Variants in BCOR observed in about 807,000 individuals in gnomAD.
BCOR encodes BCL6 corepressor.
In BCOR, 10 loss-of-function variants were observed where a neutral mutation model predicts 86.7. The ratio of observed to expected loss-of-function variants is 0.12; its 90% CI spans 0.07 to 0.20. BCOR has a LOEUF of 0.20. Among genes scored for constraint, BCOR ranks in the 10% least tolerant of loss-of-function variants. The probability of loss-of-function intolerance (pLI) is 1.00; values close to 1 mark genes in which losing one functional copy is unlikely to be tolerated. For synonymous variants in BCOR, 611 were observed against 609.0 expected, an observed-to-expected ratio of 1.00 and a Z score of -0.05; for missense variants, 1,259 against 1,452.1, an observed-to-expected ratio of 0.87 and a Z score of 2.16.
intron 1 of BCOR, among the ~76,000 whole-genome samples, chrX:40,140,157 A>G (rs57236252): frequency 9.1e-6 from 1 of 109,619 alleles, no homozygotes; most frequent in Admixed American, 9.9e-5. Context: ...CTTTGGCTTA[A>G]AAAATATATA....
chrX:40,140,294 CAAAAAAA>C (rs1201322617), intron 1 of BCOR, among the ~76,000 whole-genome samples: 1 of 53,627 alleles, frequency 1.9e-5, no homozygotes, highest in Non-Finnish European at 3.7e-5. Flanking sequence ...CCAGTCTCTA[CAAAAAAA>C]AAAAAAAGAA....
chrX:40,156,435 C>A (rs1279943655), intron 1 of BCOR, among the ~76,000 whole-genome samples: 1 of 112,285 alleles, frequency 8.9e-6, no homozygotes, highest in Non-Finnish European at 1.9e-5. Flanking sequence ...CTTAGGGCAC[C>A]CGGGGCTGCG....
intron 1 of BCOR, among the ~76,000 whole-genome samples, chrX:40,174,763 T>A (rs924283067): frequency 1.8e-5 from 2 of 112,881 alleles, no homozygotes; most frequent in Non-Finnish European, 3.7e-5. Context: ...GCGCCGATAG[T>A]GCTCAGCCCC....
chrX:40,096,316 C>T (rs1457481603), intron 1 of BCOR, among the ~76,000 whole-genome samples: 3 of 111,835 alleles, frequency 2.7e-5, no homozygotes, highest in Middle Eastern at 4.6e-3. Flanking sequence ...ACGCTGCCCC[C>T]GCACAAGCAC....
At chrX:40,085,480 C>T (rs1014751009) in intron 1 of BCOR, among the ~76,000 whole-genome samples, 4 of 111,551 alleles carry the variant, frequency 3.6e-5, no homozygotes, top group Non-Finnish European at 7.5e-5. Context: ...GAACTGGCAC[C>T]GAAGTTCATG....
At chrX:40,090,766 G>C (rs1482219766) in intron 1 of BCOR, among the ~76,000 whole-genome samples, 3 of 112,052 alleles carry the variant, frequency 2.7e-5, no homozygotes, top group African/African-American at 9.7e-5. Flanking sequence ...AGGGGGGGAC[G>C]GGCTGCTTTT....
At chrX:40,146,147 A>C (rs927615152) in intron 1 of BCOR, among the ~76,000 whole-genome samples, 8 of 111,440 alleles carry the variant, frequency 7.2e-5, no homozygotes, top group Non-Finnish European at 1.3e-4. Flanking sequence ...CCGGCGCGCG[A>C]GAGACTTTTT....
chrX:40,165,204 G>A (rs939106668), intron 1 of BCOR, among the ~76,000 whole-genome samples: 1 of 111,860 alleles, frequency 8.9e-6, no homozygotes, highest in African/African-American at 3.3e-5. Flanking sequence ...GTGGGGTGGG[G>A]TGGGGGATGA....
rs1936963201 is a variant in BCOR at position 40,097,741 on chromosome X, A to T, written c.-567T>A. Among the ~76,000 whole-genome samples the T allele has an allele frequency of 9.3e-6, 1 of 107,643 alleles. No individual in the cohort carries two copies. The highest frequency in any genetic ancestry group is 1.9e-5 in the Non-Finnish European group (1 of 51,749). The allele number at this position is 107,643 out of a possible 115,157, so 93.5% of individuals were successfully genotyped here. ...GGCTGGGTGTGTGTGAGTGTGTGTG[A>T]GTGTTGGCCAAGTCGTCCCTGCGCG... On this transcript the variant is annotated 5_prime_UTR_variant, in exon 1 of 15. Transcript: ENST00000378444.
intron 1 of BCOR, among the ~76,000 whole-genome samples, chrX:40,084,198 T>A (rs1325795365): frequency 9.0e-6 from 1 of 111,504 alleles, no homozygotes; most frequent in Non-Finnish European, 1.9e-5. Flanking sequence ...ACCCTGAGGG[T>A]CGCTGCCGAA....
intron 1 of BCOR, among the ~76,000 whole-genome samples, chrX:40,124,164 T>G (rs1021987629): frequency 1.3e-4 from 15 of 111,555 alleles, no homozygotes; most frequent in African/African-American, 4.9e-4. Flanking sequence ...TCAGGCAGGG[T>G]GGCTCATGCC....
At chrX:40,083,413 C>T (rs955755292) in intron 1 of BCOR, among the ~76,000 whole-genome samples, 1 of 112,134 alleles carries the variant, frequency 8.9e-6, no homozygotes, top group African/African-American at 3.2e-5. Context: ...GCACGGGCGT[C>T]CCCGCCCACA....
In BCOR at chrX:40,168,940, G is replaced by A. The variant is rs111378026; in HGVS notation, c.-41+8067C>T. On this transcript the variant is annotated intron_variant, in intron 1 of 14. Transcript: ENST00000342274. ...CTCCCCCGCCCGCCCGCCCTGGCCG[G>A]CGCAGGGCGAAGCTGCGCGCAGGCT... Among the ~76,000 whole-genome samples, 63 of 112,618 alleles carry A rather than the reference G, an allele frequency of 5.6e-4. 1 individual carries two copies. The highest frequency in any genetic ancestry group is 1.9e-3 in the African/African-American group (60 of 31,154).
At chrX:40,156,437 G>C (rs1332864855) in intron 1 of BCOR, among the ~76,000 whole-genome samples, 2 of 112,533 alleles carry the variant, frequency 1.8e-5, no homozygotes, top group East Asian at 5.7e-4. Flanking sequence ...TAGGGCACCC[G>C]GGGCTGCGCG....
intron 1 of BCOR, among the ~76,000 whole-genome samples, chrX:40,086,194 G>A (rs772309190): frequency 3.6e-5 from 4 of 109,638 alleles, no homozygotes; most frequent in Non-Finnish European, 7.6e-5. Context: ...AAACAGTGTC[G>A]AGTGCACAGA....
chrX:40,153,937 G>T (rs1938225716), intron 1 of BCOR, among the ~76,000 whole-genome samples: 1 of 109,835 alleles, frequency 9.1e-6, no homozygotes, highest in East Asian at 2.9e-4. Flanking sequence ...GCCGTGGGGG[G>T]CAGGGGGCGG....
chrX:40,052,434 C>T (rs1427200106), intron 14 of BCOR, 34 bp from the exon 15 acceptor site: 1 of 1,193,547 alleles, frequency 8.4e-7, no homozygotes, highest in Admixed American at 2.2e-5. Context: ...TTTGAGTTTC[C>T]AGTAAAATGA....
intron 1 of BCOR, among the ~76,000 whole-genome samples, chrX:40,131,707 T>C (rs770177638): frequency 2.5e-4 from 28 of 111,256 alleles, no homozygotes; most frequent in Non-Finnish European, 5.1e-4. Context: ...TATGGCCCAG[T>C]AGACATGAAC....
intron 1 of BCOR, among the ~76,000 whole-genome samples, chrX:40,093,969 TG>T (rs1207155034): frequency 9.0e-6 from 1 of 110,874 alleles, no homozygotes; most frequent in African/African-American, 3.3e-5. Context: ...GTTTGGTTTG[TG>T]GAAGAATCGA....
Sources: allele counts gnomAD v4.1 joint callset (sites outside exome capture counted in the v4.1 genomes callset), GRCh38; gene constraint gnomAD v4.1.1; transcripts MANE v1.5; gene names NCBI Gene and HGNC (gene_info 2026-07-23, HGNC 2026-07-21).